Variants in NAB1 observed in about 807,000 individuals in gnomAD.
NAB1 encodes NGFI-A binding protein 1.
In NAB1, 25 loss-of-function variants were observed where a neutral mutation model predicts 49.9. The observed-to-expected ratio is 0.50, with a 90% CI of 0.37 to 0.70. The LOEUF (loss-of-function observed/expected upper bound fraction) is 0.70, where lower values mean the gene tolerates loss of function less well. NAB1 is among the 30% of genes least tolerant of loss of function. The pLI is 0.00. For missense variants in NAB1, 489 were observed against 575.9 expected (o/e 0.85, Z 1.54); for synonymous variants, 198 against 215.6 (o/e 0.92, Z 0.71).
At chr2:190,681,277 G>C (rs866092765) in intron 6 of NAB1, among the ~76,000 whole-genome samples, 1 of 152,106 alleles carries the variant, frequency 6.6e-6, no homozygotes, top group African/African-American at 2.4e-5. Context: ...CATAGGGACT[G>C]GTATATTGTA....
intron 4 of NAB1, among the ~76,000 whole-genome samples, chr2:190,661,445 T>G (rs1694221404): frequency 6.6e-6 from 1 of 152,194 alleles, no homozygotes; most frequent in African/African-American, 2.4e-5. Context: ...TTTCATGCTT[T>G]AACCTAGTTT....
chr2:190,684,703 T>C lies in NAB1; in HGVS notation c.1096-773T>C, dbSNP rs762193061. Among the ~76,000 whole-genome samples the C allele has an allele frequency of 1.3e-5, 2 of 152,186 alleles. No individual in the cohort carries two copies. The highest frequency in any genetic ancestry group is 2.9e-5 in the Non-Finnish European group (2 of 68,026). ...TGTCCTACTCTCTTATATAGCATGG[T>C]AGTGATTCATATCTGTGCATTTTGA... On this transcript the variant is annotated intron_variant, in intron 7 of 9. Transcript: ENST00000337386. The surrounding 1 kb of genome is among the most constrained non-coding windows in gnomAD (Gnocchi z 4.6).
At position 190,675,044 on chromosome 2, in the gene NAB1, A is replaced by G. The variant is rs779694618; in HGVS notation, c.1005+1892A>G. 5.3e-5 allele frequency among the ~76,000 whole-genome samples: 8 copies of G among 152,260 alleles called. No homozygotes were observed. Among genetic ancestry groups the G allele is most frequent in the Non-Finnish European group, 8.8e-5 (6 of 68,046 alleles). On this transcript the variant is annotated intron_variant, in intron 6 of 9. Transcript: ENST00000337386. The surrounding 1 kb of genome is among the most constrained non-coding windows in gnomAD (Gnocchi z 5.2). Reference sequence around the variant, plus strand: ...TTTATCTCTTGCTCCCCCAGATAACAGGTAACAGAGGGTCCTTGTGGATTT... The same window carrying G: ...TTTATCTCTTGCTCCCCCAGATAACGGGTAACAGAGGGTCCTTGTGGATTT...
At position 190,675,351 on chromosome 2, in the gene NAB1, C is replaced by A. The variant is rs1695020104; in HGVS notation, c.1005+2199C>A. On this transcript the variant is annotated intron_variant, in intron 6 of 9. Transcript: ENST00000337386. This position sits in a 1 kb window ranked among gnomAD's most constrained non-coding sequence, Gnocchi z 5.2. ...TCATGAATCTCATGGACTGTTTGAG[C>A]TGCAGTTGTTTCTTGATGAGTTTTA... is the stretch of plus-strand genomic sequence containing the variant. Among the ~76,000 whole-genome samples the A allele has an allele frequency of 2.0e-5, 3 of 152,172 alleles. No individual in the cohort carries two copies. The highest frequency in any genetic ancestry group is 2.0e-4 in the Admixed American group (3 of 15,268).
chr2:190,660,909 G>A (rs1255817703), intron 4 of NAB1, among the ~76,000 whole-genome samples: 1 of 150,850 alleles, frequency 6.6e-6, no homozygotes, highest in Non-Finnish European at 1.5e-5. Flanking sequence ...AAATAAATGC[G>A]TTTTCAAAAG....
At position 190,659,479 on chromosome 2, in the gene NAB1, G is replaced by A. The variant is rs145176971; in HGVS notation, c.303G>A (p.Glu101=). 7.4e-6 allele frequency: 12 copies of A among 1,614,052 alleles called. No homozygotes were observed. The highest frequency in any genetic ancestry group is 5.3e-5 in the African/African-American group (4 of 74,912). ...GCATACCCATCTATAAATTACCAGA[G>A]GGATCACCAACATGGCTGGGAATAT... is the stretch of plus-strand genomic sequence containing the variant. ...VSSIPIYKLP[E]GSPTWLGISC... The change falls in exon 4 of 10, where the codon GAG becomes GAA. Residue 101 remains glutamate, a synonymous_variant. Coordinates refer to ENST00000337386, the MANE Select transcript of NAB1 (RefSeq NM_005966.4). The surrounding 1 kb of genome is among the most constrained non-coding windows in gnomAD (Gnocchi z 6.2).
At position 190,651,265 on chromosome 2, in the gene NAB1, TATTC is replaced by T. The variant is rs1361428643; in HGVS notation, c.-197+1285_-197+1288del. On this transcript the variant is annotated intron_variant, in intron 2 of 9. Coordinates refer to ENST00000337386, the MANE Select transcript of NAB1 (RefSeq NM_005966.4). The surrounding 1 kb of genome is among the most constrained non-coding windows in gnomAD (Gnocchi z 4.3). ...ACTTTATCTCATCTTATTTCAAAAT[TATTC>T]AGTTGAGTAATCTCTTTTTTGTAAG... 7.1e-6 allele frequency among the ~76,000 whole-genome samples: 1 copy of T among 140,518 alleles called. No individual in the cohort carries two copies. Among genetic ancestry groups the T allele is most frequent in the African/African-American group, 2.4e-5 (1 of 40,930 alleles). The allele number at this position is 140,518 out of a possible 152,430, so 92.2% of individuals were successfully genotyped here. A position where few individuals can be genotyped will look rare whatever the true frequency, so the allele number is the denominator to read the frequency against.
chr2:190,659,254 T>C lies in NAB1; in HGVS notation c.78T>C (p.Tyr26=), dbSNP rs549221180. The change falls in exon 4 of 10, where the codon TAT becomes TAC. Residue 26 remains tyrosine, a synonymous_variant. Coordinates refer to ENST00000337386, the MANE Select transcript of NAB1 (RefSeq NM_005966.4). The surrounding 1 kb of genome is among the most constrained non-coding windows in gnomAD (Gnocchi z 6.2). ...RILQKANLLS[Y]FDAFIQQGGD... ...TACAAAAAGCCAATCTACTTTCTTA[T>C]TTTGATGCCTTTATCCAACAAGGTG... 11 of 1,614,108 alleles carry C rather than the reference T, an allele frequency of 6.8e-6. No individual in the cohort carries two copies. In the Admixed American group the frequency reaches 1.3e-4, roughly 20 times the overall value.
rs114605193 is a variant in NAB1 at position 190,685,867 on chromosome 2, T to G, written c.1258+229T>G. On this transcript the variant is annotated intron_variant, in intron 8 of 9. Coordinates refer to ENST00000337386, the MANE Select transcript of NAB1 (RefSeq NM_005966.4). The surrounding 1 kb of genome is among the most constrained non-coding windows in gnomAD (Gnocchi z 4.5). ...AAGCAGTTGGCACCTGAGATTGACATGTATTATTTTGTAGGGGTTGGTGGG... is the reference window on the plus strand; with the variant it reads ...AAGCAGTTGGCACCTGAGATTGACAGGTATTATTTTGTAGGGGTTGGTGGG... Among the ~76,000 whole-genome samples the G allele has an allele frequency of 6.1e-3, 930 of 152,346 alleles. 13 individuals carry two copies. Among genetic ancestry groups the G allele is most frequent in the African/African-American group, 0.021 (878 of 41,568 alleles).
At chr2:190,671,286 T>A (rs1463173084) in intron 5 of NAB1, among the ~76,000 whole-genome samples, 3 of 152,190 alleles carry the variant, frequency 2.0e-5, no homozygotes, top group Non-Finnish European at 4.4e-5. Flanking sequence ...TTCACAAGCA[T>A]CCCAGAGCAT....
rs1693665009 is a variant in NAB1 at position 190,651,469 on chromosome 2, C to G, written c.-197+1487C>G. Among the ~76,000 whole-genome samples, 1 of 152,128 alleles carries G rather than the reference C, an allele frequency of 6.6e-6. No homozygotes were observed. Among genetic ancestry groups the G allele is most frequent in the South Asian group, 2.1e-4 (1 of 4,824 alleles). Reference sequence around the variant, plus strand: ...CTTCTTTGAAAGAAGAAATTATAAACTGGGGGACATCTTTGATGAATTTGT... The same window carrying G: ...CTTCTTTGAAAGAAGAAATTATAAAGTGGGGGACATCTTTGATGAATTTGT... On this transcript the variant is annotated intron_variant, in intron 2 of 9. Transcript: ENST00000337386. The surrounding 1 kb of genome is among the most constrained non-coding windows in gnomAD (Gnocchi z 4.3).
At position 190,667,009 on chromosome 2, in the gene NAB1, T is replaced by TTA. The variant is rs1354505465; in HGVS notation, c.820-3317_820-3316insTA. Among the ~76,000 whole-genome samples the TTA allele has an allele frequency of 6.6e-6, 1 of 152,200 alleles. No homozygotes were observed. The highest frequency in any genetic ancestry group is 2.4e-5 in the African/African-American group (1 of 41,458). On this transcript the variant is annotated intron_variant, in intron 4 of 9. Transcript: ENST00000337386. This position sits in a 1 kb window ranked among gnomAD's most constrained non-coding sequence, Gnocchi z 4.4. The stretch of plus-strand genomic sequence containing the variant: ...GCAGCTAGGGAGCATGAAATCTAGG[T>TTA]AACTCTGACAGAACACGTGTTTTTA...
In NAB1 at chr2:190,649,371, G is replaced by T; in HGVS notation, c.-334+11G>T. ...GCAGCCGCTGGCTGAGTACGTACCG[G>T]AGCGGACGGTCGCCACTCCCGGTCC... On this transcript the variant is annotated intron_variant, in intron 1 of 9. Transcript: ENST00000337386. The surrounding 1 kb of genome is among the most constrained non-coding windows in gnomAD (Gnocchi z 6.1). 6.6e-6 allele frequency: 1 copy of T among 152,314 alleles called. No individual in the cohort carries two copies. Among genetic ancestry groups the T allele is most frequent in the Non-Finnish European group, 1.5e-5 (1 of 68,078 alleles). 9.4% of individuals were successfully genotyped at this position (152,314 alleles called of 1,614,324 possible). A position where few individuals can be genotyped will look rare whatever the true frequency, so the allele number is the denominator to read the frequency against.
rs577882272 is a variant in NAB1, at chr2:190,651,878, G to A, written c.-197+1896G>A. On this transcript the variant is annotated intron_variant, in intron 2 of 9. Transcript: ENST00000337386. The surrounding 1 kb of genome is among the most constrained non-coding windows in gnomAD (Gnocchi z 4.3). ...AACCCGTCTATGCATATTTCATTGT[G>A]GAATTTGCTAAACATATTATAGCAT... Among the ~76,000 whole-genome samples the A allele has an allele frequency of 6.6e-6, 1 of 152,208 alleles. No individual in the cohort carries two copies. The highest frequency in any genetic ancestry group is 1.9e-4 in the East Asian group (1 of 5,192).
At position 190,653,213 on chromosome 2, in the gene NAB1, C is replaced by T. The variant is rs527764357; in HGVS notation, c.-196-2764C>T. On this transcript the variant is annotated intron_variant, in intron 2 of 9. Transcript: ENST00000337386. ...GCTATACTCTCCTGAACTTGGAATACTTCAGAGGCTCTAAGTGTAGTCTTT... is the reference window on the plus strand; with the variant it reads ...GCTATACTCTCCTGAACTTGGAATATTTCAGAGGCTCTAAGTGTAGTCTTT... Among the ~76,000 whole-genome samples the T allele has an allele frequency of 5.3e-5, 8 of 152,340 alleles. No homozygotes were observed. In the South Asian group the frequency reaches 1.0e-3, roughly 20 times the overall value.
chr2:190,652,298 A>G lies in NAB1; in HGVS notation c.-197+2316A>G, dbSNP rs1459253952. 6.6e-6 allele frequency among the ~76,000 whole-genome samples: 1 copy of G among 152,212 alleles called. No homozygotes were observed. Among genetic ancestry groups the G allele is most frequent in the East Asian group, 1.9e-4 (1 of 5,200 alleles). ...GATTTTTACAGAGAAACTTCTGAAA[A>G]GGTGAAAAAAACTTATAAATATTGC... On this transcript the variant is annotated intron_variant, in intron 2 of 9. Coordinates refer to ENST00000337386, the MANE Select transcript of NAB1 (RefSeq NM_005966.4). The surrounding 1 kb of genome is among the most constrained non-coding windows in gnomAD (Gnocchi z 4.2).
rs954973214 is a variant in NAB1 at position 190,685,551 on chromosome 2, G to A, written c.1171G>A (p.Glu391Lys). 8.7e-6 allele frequency: 14 copies of A among 1,613,954 alleles called. No homozygotes were observed. In the African/African-American group the frequency reaches 1.1e-4, roughly 12 times the overall value. ...TGGCTATGAGAGACTGCAGCATGCC[G>A]AGAGGAGGTTGTCTGCAGGGCTTTA... ...QAGYERLQHA[E>K]RRLSAGLYRQ... The change falls in exon 8 of 10, where the codon GAG becomes AAG. Residue 391 changes from glutamate (E) to lysine (K), a missense_variant. By Grantham distance (56) the Glu-to-Lys change is moderately conservative. Coordinates refer to ENST00000337386, the MANE Select transcript of NAB1 (RefSeq NM_005966.4). This position sits in a 1 kb window ranked among gnomAD's most constrained non-coding sequence, Gnocchi z 4.5.
At position 190,675,524 on chromosome 2, in the gene NAB1, T is replaced by C. The variant is rs371015395; in HGVS notation, c.1005+2372T>C. ...TACTCCACTAGAGATACTTGAGTTA[T>C]AGTTCTATACGGTTAGTTTATTGGT... is the stretch of plus-strand genomic sequence containing the variant. On this transcript the variant is annotated intron_variant, in intron 6 of 9. Coordinates refer to ENST00000337386, the MANE Select transcript of NAB1 (RefSeq NM_005966.4). This position sits in a 1 kb window ranked among gnomAD's most constrained non-coding sequence, Gnocchi z 5.2. 3.0e-4 allele frequency among the ~76,000 whole-genome samples: 45 copies of C among 152,352 alleles called. No homozygotes were observed. The highest frequency in any genetic ancestry group is 1.1e-3 in the African/African-American group (44 of 41,586).
intron 3 of NAB1, among the ~76,000 whole-genome samples, chr2:190,658,904 C>T (rs1364069977): frequency 6.6e-6 from 1 of 152,174 alleles, no homozygotes; most frequent in Non-Finnish European, 1.5e-5. Flanking sequence ...TTGGTTTGAT[C>T]CTTGGTTTGA....
Sources: gnomAD v4.1 joint callset for allele counts (sites outside exome capture counted in the v4.1 genomes callset) on GRCh38, gnomAD v4.1.1 for gene constraint, Gnocchi (gnomAD v3.1) non-coding constraint, MANE v1.5 for transcripts, NCBI Gene and HGNC (gene_info 2026-07-23, HGNC 2026-07-21) for gene names.